RIMS2: variants seen among roughly 807,000 people sequenced by gnomAD.
RIMS2 encodes the protein regulating synaptic membrane exocytosis protein 2.
Under a neutral mutation model 174.4 loss-of-function variants are expected in RIMS2, and 59 were observed. The ratio of observed to expected loss-of-function variants is 0.34; its 90% confidence interval spans 0.27 to 0.42. The LOEUF (loss-of-function observed/expected upper bound fraction) is 0.42, where lower values mean the gene tolerates loss of function less well. Among genes scored for constraint, RIMS2 ranks in the 10% least tolerant of loss-of-function variants. The probability of loss-of-function intolerance (pLI) is 1.00; values close to 1 mark genes in which losing one functional copy is unlikely to be tolerated. For missense variants in RIMS2, 1,620 were observed against 1,666.3 expected, an observed-to-expected ratio of 0.97 and a Z score of 0.48; for synonymous variants, 606 against 572.5, an observed-to-expected ratio of 1.06 and a Z score of -0.84.
At chr8:104,015,044 G>A (rs1417720127) in intron 19 of RIMS2, among the ~76,000 whole-genome samples, 1 of 152,078 alleles carries the variant, frequency 6.6e-6, no homozygotes, top group Non-Finnish European at 1.5e-5. Flanking sequence ...CAAGAAAAAG[G>A]TAATCATGAA....
intron 1 of RIMS2, among the ~76,000 whole-genome samples, chr8:103,506,536 A>G (rs1018650414): frequency 3.9e-5 from 6 of 152,066 alleles, no homozygotes; most frequent in African/African-American, 1.4e-4. Flanking sequence ...TTCCTCATCT[A>G]TACTATTTGA....
intron 19 of RIMS2, among the ~76,000 whole-genome samples, chr8:104,144,362 ACACT>A (rs2098610777): frequency 1.3e-5 from 2 of 152,162 alleles, no homozygotes; most frequent in Admixed American, 6.5e-5. Context: ...CCCTATATCA[ACACT>A]CAATCTATTG....
At chr8:103,660,331 G>T (rs2096583327) in intron 1 of RIMS2, among the ~76,000 whole-genome samples, 1 of 152,220 alleles carries the variant, frequency 6.6e-6, no homozygotes, top group South Asian at 2.1e-4. Context: ...TGGACTCATG[G>T]ATGTGCACCC....
chr8:103,766,346 G>T lies in RIMS2; in HGVS notation c.507G>T (p.Gly169=), dbSNP rs550686999. The change falls in exon 3 of 24, where the codon GGG becomes GGT. Residue 169 remains glycine, a synonymous_variant. Coordinates refer to ENST00000504942, the Ensembl canonical transcript of RIMS2. ...AACCTGATCAAAAGGTTCTTCGAGG[G>T]CTAAGAAATGAGGAGGCACCTCAGG... 1.8e-5 allele frequency: 29 copies of T among 1,613,576 alleles called. No individual in the cohort carries two copies. The East Asian group carries it at 6.0e-4, about 33-fold the overall frequency.
chr8:104,077,933 A>G (rs947299074), intron 19 of RIMS2, among the ~76,000 whole-genome samples: 2 of 151,854 alleles, frequency 1.3e-5, no homozygotes, highest in Admixed American at 1.3e-4. Flanking sequence ...GCCTGAGGTC[A>G]GGAGTTTGAG....
At chr8:103,604,450 TC>T (rs1383837670) in intron 1 of RIMS2, among the ~76,000 whole-genome samples, 2 of 152,172 alleles carry the variant, frequency 1.3e-5, no homozygotes, top group African/African-American at 2.4e-5. Context: ...CCAGCTTTGT[TC>T]TTTTGGCTTA....
chr8:103,501,111 C>G (rs773997800), intron 1 of RIMS2, 49 bp downstream of exon 1: 4 of 1,442,792 alleles, frequency 2.8e-6, no homozygotes, highest in Non-Finnish European at 3.7e-6. Flanking sequence ...CCTCCGCCCC[C>G]TCGCCCACTG....
intron 19 of RIMS2, among the ~76,000 whole-genome samples, chr8:104,237,472 T>C (rs1280636882): frequency 6.6e-6 from 1 of 152,140 alleles, no homozygotes; most frequent in African/African-American, 2.4e-5. Context: ...TGAAGTTACA[T>C]GGGTTAGTTT....
chr8:104,193,453 G>T (rs4518633), intron 19 of RIMS2, among the ~76,000 whole-genome samples: 2 of 151,946 alleles, frequency 1.3e-5, no homozygotes, highest in Admixed American at 1.3e-4. Flanking sequence ...ATGAGCCTGG[G>T]TGAGAATGTC....
chr8:103,637,828 T>TG (rs35543986), intron 1 of RIMS2, among the ~76,000 whole-genome samples: 27,702 of 152,150 alleles, frequency 0.18, 2,762 homozygotes, highest in African/African-American at 0.26. Context: ...TGCATTTAAT[T>TG]TCATGTCTCC....
At chr8:103,869,178 A>T (rs1477959211) in intron 3 of RIMS2, among the ~76,000 whole-genome samples, 1 of 151,646 alleles carries the variant, frequency 6.6e-6, no homozygotes, top group Non-Finnish European at 1.5e-5. Context: ...CACCAGCCAA[A>T]GACAACCAGG....
At chr8:103,514,391 A>G (rs1827969625) in intron 1 of RIMS2, among the ~76,000 whole-genome samples, 1 of 152,234 alleles carries the variant, frequency 6.6e-6, no homozygotes, top group African/African-American at 2.4e-5. Flanking sequence ...CACATGTAGA[A>G]AACAATAAAG....
chr8:103,880,753 T>A (rs1325568083), intron 3 of RIMS2: 1 of 436,546 alleles, frequency 2.3e-6, no homozygotes. Context: ...ATTTTTGTTT[T>A]TTTATAAATA....
At chr8:103,609,096 C>G (rs1424646386) in intron 1 of RIMS2, among the ~76,000 whole-genome samples, 3 of 152,074 alleles carry the variant, frequency 2.0e-5, no homozygotes, top group Non-Finnish European at 1.5e-5. Flanking sequence ...TTGCGTTTTT[C>G]TAATGATTAG....
exon 23 of RIMS2, chr8:104,251,067 A>T: frequency 6.2e-7 from 1 of 1,613,516 alleles, no homozygotes; most frequent in Non-Finnish European, 8.5e-7. Flanking sequence ...GAGTCTGCAT[A>T]GCCAAAAAGA....
At chr8:104,083,457 C>T (rs1209192467) in intron 19 of RIMS2, among the ~76,000 whole-genome samples, 2 of 152,120 alleles carry the variant, frequency 1.3e-5, no homozygotes, top group Non-Finnish European at 2.9e-5. Context: ...TTTCTATACC[C>T]TATATCCCAA....
In RIMS2 at chr8:103,821,924, ATC is replaced by A. The variant is rs34343752; in HGVS notation, c.698+55389_698+55390del. On this transcript the variant is annotated intron_variant, in intron 3 of 23. Coordinates refer to ENST00000504942, the Ensembl canonical transcript of RIMS2. ...TGAATAATGGACCTTTCAATTAGAC[ATC>A]TGTGATCTTCTTAAGCATCAATTAT... Among the ~76,000 whole-genome samples, 938 of 151,754 alleles carry A rather than the reference ATC, an allele frequency of 6.2e-3. 26 individuals are homozygous for A. The highest frequency in any genetic ancestry group is 0.036 in the Admixed American group (552 of 15,232).
intron 1 of RIMS2, among the ~76,000 whole-genome samples, chr8:103,540,761 A>G (rs1365777027): frequency 6.6e-6 from 1 of 152,230 alleles, no homozygotes; most frequent in Non-Finnish European, 1.5e-5. Flanking sequence ...AAACCATTCA[A>G]CAAGATCAAG....
intron 1 of RIMS2, among the ~76,000 whole-genome samples, chr8:103,515,476 C>A (rs1027041284): frequency 6.6e-6 from 1 of 152,160 alleles, no homozygotes; most frequent in Non-Finnish European, 1.5e-5. Context: ...CCATAAACTT[C>A]AGAATACAAG....
Sources: gnomAD v4.1 joint callset for allele counts (sites outside exome capture counted in the v4.1 genomes callset) on GRCh38, gnomAD v4.1.1 for gene constraint, MANE v1.5 for transcripts, NCBI Gene and HGNC (gene_info 2026-07-23, HGNC 2026-07-21) for gene names.